The following CCDC188 variants were observed in gnomAD, a reference collection of about 807,000 sequenced individuals.
CCDC188 encodes the protein coiled-coil domain containing 188, also known as coiled-coil domain-containing protein 188.
Under a neutral mutation model 50.7 loss-of-function variants are expected in CCDC188, and 37 were observed. That is an observed-to-expected ratio of 0.73 (90% CI 0.56 to 0.96). CCDC188 has a LOEUF of 0.96. Among genes scored for constraint, CCDC188 ranks in the 40% least tolerant of loss-of-function variants. The pLI is 0.00. For synonymous variants in CCDC188, 208 were observed against 228.0 expected, an observed-to-expected ratio of 0.91 and a Z score of 0.79; for missense variants, 453 against 512.9, an observed-to-expected ratio of 0.88 and a Z score of 1.13.
At position 20,150,666 on chromosome 22, in the gene CCDC188, C is replaced by T. The variant is rs2050610619; in HGVS notation, c.321G>A (p.Leu107=). 5 of 1,548,208 alleles carry T rather than the reference C, an allele frequency of 3.2e-6. No homozygotes were observed. The highest frequency in any genetic ancestry group is 3.3e-4 in the Middle Eastern group (2 of 5,998). ...GAGCCCCCTGGTTCGACCCTGGGTG[C>T]AGGGGCCAGCCCCACCCAAGCCCTG... ...LEAGLGWGWP[L]HPGSNQGAPR... Residue 107 remains leucine, a synonymous_variant, in exon 1 of 9, where the codon CTG becomes CTA. Coordinates refer to ENST00000439765, the MANE Select transcript of CCDC188 (RefSeq NM_001365892.2).
At chr22:20,150,341 G>A (rs1158628355) in intron 1 of CCDC188, 91 bp from the exon 2 acceptor site, 1 of 937,280 alleles carries the variant, frequency 1.1e-6, no homozygotes, top group East Asian at 2.8e-5. Context: ...GGTGGTGGGT[G>A]GGGCTGGGGC....
Position 20,150,000 on chromosome 22 carries a change from C to T in CCDC188, c.687G>A (p.Arg229=). ...LGNRAPLQLL[R]RELCQGQEAF... is the part of the protein sequence containing the mutation. ...CCTCTTGCCCCTGGCACAGCTCCCG[C>T]CGCAGCAGCTGCAGAGGTGCCCTGT... The change falls in exon 3 of 9, where the codon CGG becomes CGA. Residue 229 remains arginine (R), a synonymous_variant. Transcript: ENST00000439765. 6.5e-7 allele frequency: 1 copy of T among 1,548,382 alleles called. No individual in the cohort carries two copies. The highest frequency in any genetic ancestry group is 1.4e-5 in the African/African-American group (1 of 73,128).
intron 7 of CCDC188, 50 bp downstream of exon 7, chr22:20,149,137 C>T: frequency 1.4e-6 from 2 of 1,392,098 alleles, no homozygotes; most frequent in Non-Finnish European, 1.9e-6. Flanking sequence ...AAGCAGGGCC[C>T]TGGGTGGGGG....
chr22:20,148,683 G>C lies in CCDC188; in HGVS notation c.1140C>G (p.Thr380=). 6.5e-7 allele frequency: 1 copy of C among 1,546,006 alleles called. No individual in the cohort carries two copies. Among genetic ancestry groups the C allele is most frequent in the Non-Finnish European group, 8.7e-7 (1 of 1,144,968 alleles). The change falls in exon 9 of 9, where the codon ACC becomes ACG. Residue 380 remains threonine (T), a synonymous_variant. Transcript: ENST00000439765. ...GLVPPLLSRA[T]VWKLRALLDP... ...CCAGCAGGGCCCGGAGCTTCCAGAC[G>C]GTGGCACGGCTCAGCAGGGGTGGCA...
Position 20,150,712 on chromosome 22 carries a change from G to A in CCDC188, c.275C>T (p.Pro92Leu), listed in dbSNP as rs1283890197. 7.1e-6 allele frequency: 11 copies of A among 1,549,996 alleles called. No individual in the cohort carries two copies. The highest frequency in any genetic ancestry group is 2.0e-5 in the Admixed American group (1 of 50,964). ...QEQRARDTEG[P>L]RQGDLEAGLG... The stretch of plus-strand genomic sequence containing the variant: ...CCCTGCCTCCAGGTCTCCTTGTCTC[G>A]GCCCCTCAGTGTCTCTCGCTCTCTG... The change falls in exon 1 of 9, where the codon CCG becomes CTG. Residue 92 changes from proline (P) to leucine (L), a missense_variant. By Grantham distance (98) the Pro-to-Leu change is moderately conservative (BLOSUM62 -3). Coordinates refer to ENST00000439765, the MANE Select transcript of CCDC188 (RefSeq NM_001365892.2).
At chr22:20,149,274 A>G (rs1376978467) in intron 6 of CCDC188, 30 bp from the exon 7 acceptor site, 9 of 1,522,704 alleles carry the variant, frequency 5.9e-6, no homozygotes, top group South Asian at 5.0e-5. Flanking sequence ...AGGACCCCAC[A>G]CCCTCCACCC....
In CCDC188 at chr22:20,150,586, A is replaced by G; in HGVS notation, c.401T>C (p.Leu134Pro). ...GGCCAGGGCCCCTCCCTCCCGTGAC[A>G]GGGGTGGGCATGGGCAGGGTCTGGT... ...SGTRPCPCPP[L>P]SREGGALASP... The change falls in exon 1 of 9, where the codon CTG becomes CCG. Residue 134 changes from leucine (L) to proline (P), a missense_variant. Physicochemically the swap from Leu to Pro is moderately conservative, Grantham distance 98 (BLOSUM62 -3). Coordinates refer to ENST00000439765, the MANE Select transcript of CCDC188 (RefSeq NM_001365892.2). The G allele has an allele frequency of 1.9e-6, 3 of 1,546,004 alleles. No homozygotes were observed. Among genetic ancestry groups the G allele is most frequent in the Non-Finnish European group, 1.7e-6 (2 of 1,144,432 alleles).
In CCDC188 at chr22:20,148,831, G is replaced by A. The variant is rs537211363; in HGVS notation, c.1023-31C>T. 39 of 1,460,910 alleles carry A rather than the reference G, an allele frequency of 2.7e-5. No homozygotes were observed. In the East Asian group the frequency reaches 6.4e-4, roughly 24 times the overall value. 90.5% of individuals were successfully genotyped at this position (1,460,910 alleles called of 1,614,324 possible). A position where few individuals can be genotyped will look rare whatever the true frequency, so the allele number is the denominator to read the frequency against. On this transcript the variant is annotated intron_variant, in intron 8 of 8. Coordinates refer to ENST00000439765, the MANE Select transcript of CCDC188 (RefSeq NM_001365892.2). ...GGCGGCGGTGGTCAGGGGCAGGGGC[G>A]CGCGGGGGGCCTGGGGGCTGGGCTC...
At position 20,149,612 on chromosome 22, in the gene CCDC188, A is replaced by G; in HGVS notation, c.818T>C (p.Met273Thr). ...EVWDNVAEMH[M>T]ALNNQATGLL... is the part of the protein sequence containing the mutation. ...CCCGGTGGCCTGGTTGTTCAGGGCC[A>G]TGTGCATCTCAGCCACGTTGTCCCA... is the stretch of plus-strand genomic sequence containing the variant. Residue 273 changes from methionine to threonine, a missense_variant, in exon 5 of 9, where the codon ATG becomes ACG. Met to Thr is a moderately conservative substitution (Grantham distance 81). Transcript: ENST00000439765. 1 of 1,550,160 alleles carries G rather than the reference A, an allele frequency of 6.5e-7. No individual in the cohort carries two copies. Among genetic ancestry groups the G allele is most frequent in the Non-Finnish European group, 8.7e-7 (1 of 1,146,888 alleles).
At position 20,148,537 on chromosome 22, in the gene CCDC188, G is replaced by C; in HGVS notation, c.*77C>G. On this transcript the variant is annotated 3_prime_UTR_variant, in exon 9 of 9. Transcript: ENST00000439765. ...TGGTGCACAGTGGTGCCATGTGCAG[G>C]GGGCTGGCACGGCCACTGGGCATCC... 1 of 1,450,884 alleles carries C rather than the reference G, an allele frequency of 6.9e-7. No individual in the cohort carries two copies. The highest frequency in any genetic ancestry group is 9.1e-7 in the Non-Finnish European group (1 of 1,102,862). 89.9% of individuals were successfully genotyped at this position (1,450,884 alleles called of 1,614,324 possible). A position where few individuals can be genotyped will look rare whatever the true frequency, so the allele number is the denominator to read the frequency against.
intron 7 of CCDC188, 63 bp from the exon 8 acceptor site, chr22:20,148,987 G>A (rs974181089): frequency 7.0e-7 from 1 of 1,432,412 alleles, no homozygotes; most frequent in East Asian, 2.5e-5. Context: ...AGGGATCCCT[G>A]GCTTTGGGAA....
rs1172482389 is a variant in CCDC188, at chr22:20,150,509, C to G, written c.478G>C (p.Glu160Gln). ...QLQCGLLGSA[E>Q]QSFLQLEQEN... ...TGCTCCAGCTGCAGGAAGGACTGTT[C>G]TGCAGAGCCCAGCAGCCCGCACTGA... is the stretch of plus-strand genomic sequence containing the variant. The change falls in exon 1 of 9, where the codon GAA becomes CAA. Residue 160 changes from glutamate to glutamine, a missense_variant. Glu to Gln is a conservative substitution (Grantham distance 29, BLOSUM62 2). Coordinates refer to ENST00000439765, the MANE Select transcript of CCDC188 (RefSeq NM_001365892.2). 1.3e-6 allele frequency: 2 copies of G among 1,548,644 alleles called. No individual in the cohort carries two copies. Among genetic ancestry groups the G allele is most frequent in the Admixed American group, 2.0e-5 (1 of 50,922 alleles).
At chr22:20,149,380 C>T in intron 6 of CCDC188, 32 bp downstream of exon 6, 1 of 1,550,060 alleles carries the variant, frequency 6.5e-7, no homozygotes, top group Non-Finnish European at 8.7e-7. Flanking sequence ...TGAGACCCTG[C>T]TCAGCTGGCC....
chr22:20,150,002 G>T lies in CCDC188; in HGVS notation c.685C>A (p.Arg229=), dbSNP rs748212586. The T allele has an allele frequency of 1.2e-5, 18 of 1,548,226 alleles. No homozygotes were observed. The highest frequency in any genetic ancestry group is 1.6e-5 in the Non-Finnish European group (18 of 1,146,678). ...TCTTGCCCCTGGCACAGCTCCCGCC[G>T]CAGCAGCTGCAGAGGTGCCCTGTTC... is the stretch of plus-strand genomic sequence containing the variant. ...LGNRAPLQLL[R]RELCQGQEAF... Residue 229 remains arginine, a synonymous_variant, in exon 3 of 9, where the codon CGG becomes AGG. Transcript: ENST00000439765.
Position 20,148,793 on chromosome 22 carries a change from T to C in CCDC188, c.1030A>G (p.Thr344Ala). ...KGLAGQLWLL[T>A]LRLLLGALLV... ...AGGGCGCCCAGCAGCAGCCTCAGGG[T>C]CAGCAGCCTGCGGGCGGCGGTGGTC... Residue 344 changes from threonine to alanine, a missense_variant, in exon 9 of 9, where the codon ACC (threonine) becomes GCC (alanine). Thr to Ala is a moderately conservative substitution (Grantham distance 58). Coordinates refer to ENST00000439765, the MANE Select transcript of CCDC188 (RefSeq NM_001365892.2). The C allele has an allele frequency of 6.8e-7, 1 of 1,465,546 alleles. No homozygotes were observed. Among genetic ancestry groups the C allele is most frequent in the Non-Finnish European group, 9.1e-7 (1 of 1,102,060 alleles). The allele number at this position is 1,465,546 out of a possible 1,614,324, so 90.8% of individuals were successfully genotyped here.
At chr22:20,149,900 C>A in intron 3 of CCDC188, 55 bp downstream of exon 3, 3 of 1,506,378 alleles carry the variant, frequency 2.0e-6, no homozygotes, top group Middle Eastern at 2.1e-4. Context: ...TCAGGCCCAC[C>A]TGGAGTGCTG....
chr22:20,150,605 GT>G lies in CCDC188; in HGVS notation c.381del (p.Arg127SerfsTer20). ...RQGGSIGSGT[R>X]PCPCPPLSRE... is the part of the protein sequence containing the mutation. ...CGTGACAGGGGTGGGCATGGGCAGG[GT>G]CTGGTCCCTGAGCCAATGGATCCCC... On this transcript the variant is annotated frameshift_variant, in exon 1 of 9. Transcript: ENST00000439765. LOFTEE classifies it high-confidence loss of function. The G allele has an allele frequency of 6.5e-7, 1 of 1,545,220 alleles. No homozygotes were observed. Among genetic ancestry groups the G allele is most frequent in the Non-Finnish European group, 8.7e-7 (1 of 1,143,316 alleles).
chr22:20,149,022 C>T, intron 7 of CCDC188, 98 bp from the exon 8 acceptor site: 2 of 1,334,712 alleles, frequency 1.5e-6, no homozygotes, highest in Non-Finnish European at 2.0e-6. Context: ...GGGCTCCCCG[C>T]ACCGCAGCCC....
chr22:20,149,252 G>A lies in CCDC188; in HGVS notation c.915-8C>T. 1 of 1,500,342 alleles carries A rather than the reference G, an allele frequency of 6.7e-7. No individual in the cohort carries two copies. The highest frequency in any genetic ancestry group is 8.9e-7 in the Non-Finnish European group (1 of 1,122,098). 92.9% of individuals were successfully genotyped at this position (1,500,342 alleles called of 1,614,324 possible). ...CGGCACTGGGCCCGCTCCCTGCGGG[G>A]GCCTCACTGTCAGGACCCCACACCC... is the stretch of plus-strand genomic sequence containing the variant. On this transcript the variant is annotated splice_polypyrimidine_tract_variant and splice_region_variant and intron_variant, in intron 6 of 8. Transcript: ENST00000439765.
Sources: gnomAD v4.1 joint callset for allele counts on GRCh38, gnomAD v4.1.1 for gene constraint, MANE v1.5 for transcripts, NCBI Gene and HGNC (gene_info 2026-07-23, HGNC 2026-07-21) for gene names.